The following SAMD5 variants were observed in gnomAD, a reference collection of about 807,000 sequenced individuals.
The protein encoded by SAMD5 is sterile alpha motif domain containing 5.
In SAMD5, 13 loss-of-function variants were observed where a neutral mutation model predicts 11.3. The ratio of observed to expected loss-of-function variants is 1.15; its 90% CI spans 0.75 to 1.83. The LOEUF (loss-of-function observed/expected upper bound fraction) is 1.83. Ranked by LOEUF, SAMD5 falls within the 40% of genes most tolerant of loss-of-function variation. The pLI is 0.00. For synonymous variants in SAMD5, 129 were observed against 111.3 expected, an observed-to-expected ratio of 1.16 and a Z score of -1.00; for missense variants, 255 against 239.1, an observed-to-expected ratio of 1.07 and a Z score of -0.44.
the SAMD5 span, among the ~76,000 whole-genome samples, chr6:147,883,861 T>G: frequency 6.6e-6 from 1 of 152,212 alleles, no homozygotes; most frequent in Admixed American, 6.5e-5. Context: ...TCTTCCTAAC[T>G]GAGAACCACA....
At chr6:147,801,324 G>T in the SAMD5 span, among the ~76,000 whole-genome samples, 1 of 151,752 alleles carries the variant, frequency 6.6e-6, no homozygotes, top group Non-Finnish European at 1.5e-5. Context: ...TCCCACTTGT[G>T]CCTGTCAGTC....
intron 1 of SAMD5, among the ~76,000 whole-genome samples, chr6:147,586,959 A>G (rs1789383608): frequency 6.6e-6 from 1 of 152,160 alleles, no homozygotes; most frequent in South Asian, 2.1e-4. Context: ...CTACAGTTTT[A>G]TATATGATAT....
At chr6:147,760,247 A>G in the SAMD5 span, among the ~76,000 whole-genome samples, 1 of 152,044 alleles carries the variant, frequency 6.6e-6, no homozygotes, top group East Asian at 1.9e-4. Context: ...CCCTTCTACC[A>G]CCATCTGCCG....
the SAMD5 span, among the ~76,000 whole-genome samples, chr6:147,820,986 T>C: frequency 1.7e-3 from 261 of 152,350 alleles, 2 homozygotes; most frequent in African/African-American, 5.5e-3. Context: ...TTTTTCTTAA[T>C]GTGTGAAGTT....
At chr6:147,869,369 G>A in the SAMD5 span, among the ~76,000 whole-genome samples, 3 of 152,248 alleles carry the variant, frequency 2.0e-5, no homozygotes, top group Admixed American at 6.5e-5. Flanking sequence ...CTTCAAATGG[G>A]CATAGATTTC....
chr6:147,516,804 C>T (rs2128439533), intron 1 of SAMD5, among the ~76,000 whole-genome samples: 1 of 152,316 alleles, frequency 6.6e-6, no homozygotes, highest in Non-Finnish European at 1.5e-5. Flanking sequence ...CAGCCTGGAC[C>T]TGCTGCAGAA....
At chr6:147,511,981 A>C (rs1788097670) in intron 1 of SAMD5, among the ~76,000 whole-genome samples, 1 of 152,114 alleles carries the variant, frequency 6.6e-6, no homozygotes, top group Non-Finnish European at 1.5e-5. Flanking sequence ...TTTGAGATGG[A>C]GTCTCATTCT....
the SAMD5 span, among the ~76,000 whole-genome samples, chr6:147,862,121 A>G: frequency 6.6e-6 from 1 of 152,168 alleles, no homozygotes; most frequent in African/African-American, 2.4e-5. Context: ...GCGATTGACA[A>G]ATCAGATAAG....
chr6:147,783,657 C>G, the SAMD5 span, among the ~76,000 whole-genome samples: 32 of 152,090 alleles, frequency 2.1e-4, no homozygotes, highest in Non-Finnish European at 3.2e-4. Context: ...TCTGGGCCTC[C>G]CAAAGTGCTG....
intron 1 of SAMD5, among the ~76,000 whole-genome samples, chr6:147,660,074 C>A (rs924800930): frequency 2.0e-5 from 3 of 152,116 alleles, no homozygotes; most frequent in Non-Finnish European, 2.9e-5. Flanking sequence ...TGACAGGAAG[C>A]TTTGAGGTTG....
chr6:147,629,016 C>A (rs527285526), intron 1 of SAMD5, among the ~76,000 whole-genome samples: 151 of 152,092 alleles, frequency 9.9e-4, no homozygotes, highest in African/African-American at 3.6e-3. Context: ...CTAGGCTGGG[C>A]GCAGTGGCTC....
chr6:147,602,980 T>A (rs1789646147), intron 1 of SAMD5, among the ~76,000 whole-genome samples: 1 of 151,940 alleles, frequency 6.6e-6, no homozygotes, highest in African/African-American at 2.4e-5. Flanking sequence ...TTGATAAGAA[T>A]CAACTGAAAT....
intron 1 of SAMD5, among the ~76,000 whole-genome samples, chr6:147,593,550 G>C (rs1258603439): frequency 6.6e-6 from 1 of 152,188 alleles, no homozygotes; most frequent in African/African-American, 2.4e-5. Context: ...TGCCCCAGCT[G>C]TGTATTGAAG....
intron 1 of SAMD5, among the ~76,000 whole-genome samples, chr6:147,515,396 T>A (rs1788152467): frequency 6.7e-6 from 1 of 149,852 alleles, no homozygotes; most frequent in Non-Finnish European, 1.5e-5. Flanking sequence ...AATCTGTCCA[T>A]CCATTCTTCC....
the SAMD5 span, among the ~76,000 whole-genome samples, chr6:147,759,486 T>C: frequency 6.6e-6 from 1 of 152,140 alleles, no homozygotes; most frequent in Non-Finnish European, 1.5e-5. Flanking sequence ...AATGATCTGA[T>C]AGCATTAATA....
chr6:147,817,006 A>G, the SAMD5 span, among the ~76,000 whole-genome samples: 1 of 152,204 alleles, frequency 6.6e-6, no homozygotes, highest in Admixed American at 6.5e-5. Context: ...CAGGTTAAAA[A>G]GAGAAAGTGG....
intron 1 of SAMD5, among the ~76,000 whole-genome samples, chr6:147,684,593 G>A (rs934126730): frequency 2.0e-5 from 3 of 152,044 alleles, no homozygotes; most frequent in African/African-American, 4.8e-5. Flanking sequence ...GAGAATTCAA[G>A]TTTCTTTGCA....
intron 1 of SAMD5, among the ~76,000 whole-genome samples, chr6:147,667,232 A>G (rs1021877656): frequency 2.0e-5 from 3 of 151,962 alleles, no homozygotes; most frequent in African/African-American, 7.3e-5. Context: ...TATTATTTGG[A>G]ATTTTGCACT....
At chr6:147,677,725 A>G (rs1336207514) in intron 1 of SAMD5, among the ~76,000 whole-genome samples, 3 of 152,108 alleles carry the variant, frequency 2.0e-5, no homozygotes, top group Non-Finnish European at 2.9e-5. Flanking sequence ...GCCATGGGAC[A>G]TCGGCACTGT....
Sources: gnomAD v4.1 joint callset for allele counts (sites outside exome capture counted in the v4.1 genomes callset) on GRCh38, gnomAD v4.1.1 for gene constraint, MANE v1.5 for transcripts, NCBI Gene and HGNC (gene_info 2026-07-23, HGNC 2026-07-21) for gene names.